B3GLCT: variants seen among roughly 807,000 people sequenced by gnomAD.
The protein encoded by B3GLCT is beta 3-glucosyltransferase.
Under a neutral mutation model 63.4 loss-of-function variants are expected in B3GLCT, and 65 were observed. That is an observed-to-expected ratio of 1.03 (90% CI 0.84 to 1.26). B3GLCT has a LOEUF of 1.26. B3GLCT is among the 50% of genes most tolerant of loss of function. The probability of loss-of-function intolerance (pLI) is 0.00; values close to 1 mark genes in which losing one functional copy is unlikely to be tolerated. For missense variants in B3GLCT, 577 were observed against 604.8 expected (o/e 0.95, Z 0.48); for synonymous variants, 233 against 219.2 (o/e 1.06, Z -0.55).
intron 7 of B3GLCT, among the ~76,000 whole-genome samples, chr13:31,261,681 T>C (rs1872040045): frequency 6.6e-6 from 1 of 152,228 alleles, no homozygotes; most frequent in African/African-American, 2.4e-5. Flanking sequence ...TTAATCATTA[T>C]GTTTTTGTTC....
chr13:31,238,553 A>G (rs1017162411), intron 4 of B3GLCT, among the ~76,000 whole-genome samples: 1 of 152,250 alleles, frequency 6.6e-6, no homozygotes. Flanking sequence ...GGAATTTAGT[A>G]GAATGCGTAT....
intron 7 of B3GLCT, 70 bp downstream of exon 7, chr13:31,261,152 G>GT: frequency 6.6e-7 from 1 of 1,517,978 alleles, no homozygotes; most frequent in Non-Finnish European, 9.1e-7. Flanking sequence ...ATTGAGTACT[G>GT]TAACTGATGG....
At chr13:31,301,647 C>A (rs530633289) in intron 12 of B3GLCT, among the ~76,000 whole-genome samples, 2 of 152,324 alleles carry the variant, frequency 1.3e-5, no homozygotes, top group East Asian at 3.9e-4. Context: ...AGCCTGGAGT[C>A]CCACCAGGAG....
chr13:31,212,438 C>A (rs1391927334), intron 1 of B3GLCT, among the ~76,000 whole-genome samples: 1 of 152,010 alleles, frequency 6.6e-6, no homozygotes, highest in Non-Finnish European at 1.5e-5. Context: ...CCATGCCTGG[C>A]TAATTTTTGT....
intron 6 of B3GLCT, among the ~76,000 whole-genome samples, chr13:31,258,865 C>T (rs1033938988): frequency 6.6e-6 from 1 of 152,164 alleles, no homozygotes; most frequent in Non-Finnish European, 1.5e-5. Context: ...AGCCTGTATT[C>T]TTCAAGTATT....
At chr13:31,217,203 T>C (rs920226583) in intron 2 of B3GLCT, among the ~76,000 whole-genome samples, 3 of 152,224 alleles carry the variant, frequency 2.0e-5, no homozygotes, top group Non-Finnish European at 4.4e-5. Context: ...ATTAGTGATG[T>C]TGAGCATTTT....
chr13:31,257,094 A>G (rs1871781727), intron 6 of B3GLCT, among the ~76,000 whole-genome samples: 1 of 152,190 alleles, frequency 6.6e-6, no homozygotes, highest in African/African-American at 2.4e-5. Flanking sequence ...AGTATAACCC[A>G]CACAAAAATA....
chr13:31,288,035 A>T (rs1013943466), intron 12 of B3GLCT, among the ~76,000 whole-genome samples: 5 of 152,232 alleles, frequency 3.3e-5, no homozygotes, highest in African/African-American at 1.2e-4. Context: ...AATATATGCA[A>T]TTGAAATCTC....
At chr13:31,310,260 A>G (rs896692203) in intron 12 of B3GLCT, among the ~76,000 whole-genome samples, 2 of 152,106 alleles carry the variant, frequency 1.3e-5, no homozygotes, top group Non-Finnish European at 2.9e-5. Context: ...ACAGAGGGCT[A>G]CCCACTTTGG....
intron 13 of B3GLCT, 95 bp downstream of exon 13, chr13:31,317,780 G>C (rs992040730): frequency 6.8e-7 from 1 of 1,459,864 alleles, no homozygotes; most frequent in African/African-American, 1.4e-5. Flanking sequence ...TATACTGTAC[G>C]TGAGTACTCT....
intron 10 of B3GLCT, among the ~76,000 whole-genome samples, chr13:31,279,302 T>A (rs1593293273): frequency 6.6e-6 from 1 of 152,088 alleles, no homozygotes; most frequent in African/African-American, 2.4e-5. Context: ...TTTTTTTCAT[T>A]TTCTTTTCCC....
intron 10 of B3GLCT, chr13:31,283,190 A>G (rs1427025464): frequency 6.6e-6 from 1 of 152,228 alleles, no homozygotes; most frequent in Admixed American, 6.5e-5. Context: ...CTTGCTGGGG[A>G]CTGAGGAAAG....
intron 8 of B3GLCT, among the ~76,000 whole-genome samples, chr13:31,270,855 C>T (rs1189276048): frequency 6.6e-6 from 1 of 152,156 alleles, no homozygotes; most frequent in African/African-American, 2.4e-5. Flanking sequence ...TGTCTCACAA[C>T]CAGGAAGAAT....
chr13:31,203,196 A>C (rs954790115), intron 1 of B3GLCT, among the ~76,000 whole-genome samples: 9 of 152,198 alleles, frequency 5.9e-5, no homozygotes, highest in African/African-American at 9.7e-5. Context: ...ATTTTAGGAC[A>C]CCAAGAGTCA....
rs752223282 is a variant in B3GLCT at position 31,215,094 on chromosome 13, G to C, written c.114G>C (p.Gln38His). The change falls in exon 2 of 15, where the codon CAG becomes CAC. Residue 38 changes from glutamine (Q) to histidine (H), a missense_variant. Coordinates refer to ENST00000343307, the MANE Select transcript of B3GLCT (RefSeq NM_194318.4). The stretch of plus-strand genomic sequence containing the variant: ...AAGATACAAAGAAAGAGGTCAAGCA[G>C]TCTCAGGTACTAATCCCAATGATCA... ...ASEDTKKEVK[Q>H]SQDLEKSGIS... is the part of the protein sequence containing the mutation. The C allele has an allele frequency of 8.7e-6, 14 of 1,610,474 alleles. No individual in the cohort carries two copies. The highest frequency in any genetic ancestry group is 1.7e-5 in the Admixed American group (1 of 59,886).
intron 12 of B3GLCT, among the ~76,000 whole-genome samples, chr13:31,293,401 T>TG (rs1405244668): frequency 6.6e-6 from 1 of 152,136 alleles, no homozygotes; most frequent in African/African-American, 2.4e-5. Flanking sequence ...GACAGTGGGG[T>TG]GTTAAAGCCT....
At position 31,247,860 on chromosome 13, in the gene B3GLCT, C is replaced by G. The variant is rs751269401; in HGVS notation, c.353C>G (p.Ser118Cys). The change falls in exon 6 of 15, where the codon TCT becomes TGT. Residue 118 changes from serine (S) to cysteine (C), a missense_variant. By Grantham distance (112) the Ser-to-Cys change is moderately radical (BLOSUM62 -1). Coordinates refer to ENST00000343307, the MANE Select transcript of B3GLCT (RefSeq NM_194318.4). ...WTILPLLPHF[S>C]VTYSRNSSWI... ...AACTTGTTTCTTTTGGTCAGTTTTT[C>G]TGTAACATATAGCAGAAATTCATCT... is the stretch of plus-strand genomic sequence containing the variant. 1 of 1,563,360 alleles carries G rather than the reference C, an allele frequency of 6.4e-7. No individual in the cohort carries two copies. The highest frequency in any genetic ancestry group is 1.1e-5 in the South Asian group (1 of 89,912).
In B3GLCT at chr13:31,329,557, C is replaced by A. The variant is rs909042280; in HGVS notation, c.1386C>A (p.Phe462Leu). The A allele has an allele frequency of 6.2e-7, 1 of 1,614,172 alleles. No homozygotes were observed. The highest frequency in any genetic ancestry group is 1.1e-5 in the South Asian group (1 of 91,082). ...DYLSHQVPIS[F>L]HKHWNIDPVK... is the part of the protein sequence containing the mutation. ...TTTCTCATCAAGTTCCCATATCGTT[C>A]CACAAACACTGGAACATCGATCCAG... Residue 462 changes from phenylalanine (F) to leucine (L), a missense_variant, in exon 15 of 15, where the codon TTC becomes TTA. Transcript: ENST00000343307.
rs1039118339 is a variant in B3GLCT at position 31,200,037 on chromosome 13, G to A, written c.-48G>A. 2.9e-5 allele frequency: 36 copies of A among 1,241,760 alleles called. No individual in the cohort carries two copies. In the African/African-American group the frequency reaches 4.8e-4, roughly 16 times the overall value. The allele number at this position is 1,241,760 out of a possible 1,614,324, so 76.9% of individuals were successfully genotyped here. A position where few individuals can be genotyped will look rare whatever the true frequency, so the allele number is the denominator to read the frequency against. ...AGCGGCGCAGCTCCGCTCCCCGCGCGTCTCCCTTCCCCGCGCCCAGGTAGG... is the reference window on the plus strand; with the variant it reads ...AGCGGCGCAGCTCCGCTCCCCGCGCATCTCCCTTCCCCGCGCCCAGGTAGG... On this transcript the variant is annotated 5_prime_UTR_variant, in exon 1 of 15. Transcript: ENST00000343307.
Sources: gnomAD v4.1 joint callset for allele counts (sites outside exome capture counted in the v4.1 genomes callset) on GRCh38, gnomAD v4.1.1 for gene constraint, MANE v1.5 for transcripts, NCBI Gene and HGNC (gene_info 2026-07-23, HGNC 2026-07-21) for gene names.